Variants in ERG observed in about 807,000 individuals in gnomAD.
ERG encodes the protein transcriptional regulator ERG.
A neutral mutation model predicts 55.3 loss-of-function variants in ERG; 9 were observed. The observed-to-expected ratio is 0.16, with a 90% CI of 0.10 to 0.28. The LOEUF is 0.28. ERG is among the 10% of genes least tolerant of loss of function. The pLI is 1.00. For missense variants in ERG, 434 were observed against 631.6 expected (o/e 0.69, Z 3.35); for synonymous variants, 223 against 237.3 (o/e 0.94, Z 0.55).
downstream of ERG, among the ~76,000 whole-genome samples, chr21:38,375,221 T>C (rs1987210195): frequency 6.6e-6 from 1 of 152,196 alleles, no homozygotes; most frequent in South Asian, 2.1e-4. Context: ...CAGGTTCTGT[T>C]TGGTTCCAAA....
chr21:38,485,797 T>C (rs1018860005), intron 1 of ERG, among the ~76,000 whole-genome samples: 18 of 151,892 alleles, frequency 1.2e-4, no homozygotes, highest in Admixed American at 8.5e-4. Flanking sequence ...TAGATAGTGA[T>C]GTCCTAGGCT....
chr21:38,526,811 C>T (rs1349438749), intron 2 of ERG, among the ~76,000 whole-genome samples: 3 of 151,946 alleles, frequency 2.0e-5, no homozygotes, highest in Non-Finnish European at 2.9e-5. Flanking sequence ...TAAAATACAC[C>T]GGTATGAAGG....
downstream of ERG, among the ~76,000 whole-genome samples, chr21:38,377,829 G>T (rs1254219045): frequency 6.6e-6 from 1 of 152,182 alleles, no homozygotes; most frequent in African/African-American, 2.4e-5. Flanking sequence ...TTCAGCTGAT[G>T]CATGTCTAAT....
chr21:38,425,544 A>G (rs975168595), intron 2 of ERG, among the ~76,000 whole-genome samples: 1 of 152,216 alleles, frequency 6.6e-6, no homozygotes, highest in East Asian at 1.9e-4. Flanking sequence ...GTAGCTGAGA[A>G]GTATTAATAT....
At chr21:38,653,363 C>T (rs1267415514) in intron 1 of ERG, among the ~76,000 whole-genome samples, 1 of 152,170 alleles carries the variant, frequency 6.6e-6, no homozygotes, top group Non-Finnish European at 1.5e-5. Flanking sequence ...CCGGAGCACC[C>T]CCTCTGTGGA....
chr21:38,470,231 TATA>T (rs1296110697), intron 1 of ERG, among the ~76,000 whole-genome samples: 1 of 150,222 alleles, frequency 6.7e-6, no homozygotes, highest in Non-Finnish European at 1.5e-5. Context: ...ATGTCTAGCA[TATA>T]ATAAGCACTC....
chr21:38,486,205 T>C (rs1024830771), intron 1 of ERG, among the ~76,000 whole-genome samples: 3 of 152,144 alleles, frequency 2.0e-5, no homozygotes, highest in African/African-American at 7.2e-5. Flanking sequence ...AGTGCTGGGA[T>C]TACAGGTGTG....
rs950605916 is a variant in ERG at position 38,382,371 on chromosome 21, T to C, written c.*1032A>G. ...GCAGCCAAGAAGGCCATCTCTTACCTGACCCTGTGGAGAACAAAGCCCCCA... is the reference window on the plus strand; with the variant it reads ...GCAGCCAAGAAGGCCATCTCTTACCCGACCCTGTGGAGAACAAAGCCCCCA... On this transcript the variant is annotated 3_prime_UTR_variant, in exon 10 of 10. Coordinates refer to ENST00000288319, the MANE Select transcript of ERG (RefSeq NM_182918.4). 1.9e-6 allele frequency: 2 copies of C among 1,060,026 alleles called. No homozygotes were observed. The highest frequency in any genetic ancestry group is 2.3e-6 in the Non-Finnish European group (2 of 875,598). 65.7% of individuals were successfully genotyped at this position (1,060,026 alleles called of 1,614,324 possible).
chr21:38,495,137 C>T (rs922053179), intron 1 of ERG, among the ~76,000 whole-genome samples: 2 of 152,182 alleles, frequency 1.3e-5, no homozygotes, highest in Non-Finnish European at 2.9e-5. Context: ...ACTCATTAAT[C>T]ACATCCATCA....
At chr21:38,648,122 C>A (rs531586553) in intron 1 of ERG, among the ~76,000 whole-genome samples, 36 of 152,122 alleles carry the variant, frequency 2.4e-4, no homozygotes, top group African/African-American at 8.4e-4. Flanking sequence ...ATATGCAATT[C>A]TTTTTTTTAA....
intron 1 of ERG, among the ~76,000 whole-genome samples, chr21:38,489,897 C>G (rs529138410): frequency 6.6e-6 from 1 of 152,334 alleles, no homozygotes; most frequent in Admixed American, 6.5e-5. Flanking sequence ...CCTCATCATC[C>G]TTGTTGTCTT....
At chr21:38,536,217 GACTTAT>G (rs2059709050) in intron 2 of ERG, among the ~76,000 whole-genome samples, 1 of 151,838 alleles carries the variant, frequency 6.6e-6, no homozygotes, top group African/African-American at 2.4e-5. Flanking sequence ...AACCAAACCT[GACTTAT>G]ACTTAGGGGC....
intron 2 of ERG, among the ~76,000 whole-genome samples, chr21:38,431,250 TG>T (rs1376373208): frequency 8.5e-5 from 13 of 152,326 alleles, no homozygotes; most frequent in African/African-American, 3.1e-4. Flanking sequence ...ATAGGGTTAC[TG>T]AATCAGAGGG....
intron 1 of ERG, among the ~76,000 whole-genome samples, chr21:38,447,527 G>A (rs1004930352): frequency 1.6e-4 from 24 of 147,798 alleles, no homozygotes; most frequent in African/African-American, 4.3e-4. Flanking sequence ...GTACAGAAAC[G>A]GCATCCTAGA....
intron 3 of ERG, among the ~76,000 whole-genome samples, chr21:38,408,154 G>A (rs1443299275): frequency 6.6e-6 from 1 of 152,128 alleles, no homozygotes; most frequent in Non-Finnish European, 1.5e-5. Flanking sequence ...TGGCCACTCG[G>A]TAGAAGAAAT....
chr21:38,588,983 A>G (rs181257732), upstream of ERG, among the ~76,000 whole-genome samples: 2 of 152,214 alleles, frequency 1.3e-5, no homozygotes, highest in African/African-American at 4.8e-5. Flanking sequence ...CTCCTCTCTC[A>G]GCCTCCCAAA....
chr21:38,399,913 C>T (rs1988408530), intron 6 of ERG: 1 of 195,300 alleles, frequency 5.1e-6, no homozygotes, highest in East Asian at 9.2e-5. Flanking sequence ...TCATACCATC[C>T]GTGGCTGGCA....
At chr21:38,612,983 G>GTA in intron 1 of ERG, among the ~76,000 whole-genome samples, 1 of 152,266 alleles carries the variant, frequency 6.6e-6, no homozygotes, top group Non-Finnish European at 1.5e-5. Flanking sequence ...TTTCTAAGCA[G>GTA]TAGATATTTG....
At position 38,382,422 on chromosome 21, in the gene ERG, C is replaced by CTCTTAAATA; in HGVS notation, c.*972_*980dup. The CTCTTAAATA allele has an allele frequency of 9.4e-7, 1 of 1,061,512 alleles. No individual in the cohort carries two copies. The highest frequency in any genetic ancestry group is 1.1e-6 in the Non-Finnish European group (1 of 876,596). The allele number at this position is 1,061,512 out of a possible 1,614,324, so 65.8% of individuals were successfully genotyped here. Reference sequence around the variant, plus strand: ...CATAATGATGAGGTCCTGAATGTTTCTCTTAAATATCAGACAATTCCAGTT... The same window carrying CTCTTAAATA: ...CATAATGATGAGGTCCTGAATGTTTCTCTTAAATATCTTAAATATCAGACAATTCCAGTT... On this transcript the variant is annotated 3_prime_UTR_variant, in exon 10 of 10. Coordinates refer to ENST00000288319, the MANE Select transcript of ERG (RefSeq NM_182918.4).
Sources: allele counts gnomAD v4.1 joint callset (sites outside exome capture counted in the v4.1 genomes callset), GRCh38; gene constraint gnomAD v4.1.1; transcripts MANE v1.5; gene names NCBI Gene and HGNC (gene_info 2026-07-23, HGNC 2026-07-21).